Variants in NPSR1 observed in about 807,000 individuals in gnomAD.
The protein encoded by NPSR1 is neuropeptide S receptor 1.
NPSR1 carries 48 observed loss-of-function variants against 46.9 expected under a neutral mutation model. The observed-to-expected ratio is 1.02, with a 90% CI of 0.81 to 1.30. The LOEUF is 1.30. Ranked by LOEUF, NPSR1 falls within the 50% of genes most tolerant of loss-of-function variation. The probability of loss-of-function intolerance (pLI) is 0.00; values close to 1 mark genes in which losing one functional copy is unlikely to be tolerated. For missense variants in NPSR1, 450 were observed against 449.5 expected, an observed-to-expected ratio of 1.00 and a Z score of -0.01; for synonymous variants, 176 against 168.1, an observed-to-expected ratio of 1.05 and a Z score of -0.36.
chr7:34,876,189 G>C (rs1328111407), intron 8 of NPSR1, among the ~76,000 whole-genome samples: 1 of 152,168 alleles, frequency 6.6e-6, no homozygotes, highest in Non-Finnish European at 1.5e-5. Flanking sequence ...GCTTGGAAGG[G>C]AGGAGAGAAA....
intron 6 of NPSR1, among the ~76,000 whole-genome samples, chr7:34,838,778 C>T (rs910930392): frequency 1.3e-5 from 2 of 152,132 alleles, no homozygotes; most frequent in African/African-American, 4.8e-5. Flanking sequence ...GAGGGCAAGA[C>T]GTGGAGGAGA....
intron 2 of NPSR1, among the ~76,000 whole-genome samples, chr7:34,693,891 A>G (rs1793386547): frequency 6.6e-6 from 1 of 152,182 alleles, no homozygotes; most frequent in African/African-American, 2.4e-5. Flanking sequence ...CACATTAACA[A>G]AACTAAAAAC....
At chr7:34,780,886 C>T (rs1308008472) in intron 3 of NPSR1, among the ~76,000 whole-genome samples, 8 of 152,082 alleles carry the variant, frequency 5.3e-5, no homozygotes, top group African/African-American at 1.9e-4. Context: ...TCTGGGCATT[C>T]GTCAAAACAG....
At position 34,844,917 on chromosome 7, in the gene NPSR1, A is replaced by T; in HGVS notation, c.779A>T (p.Tyr260Phe). ...ACAGATGGGAAACTGTGCAGCAGCT[A>T]TAACCGAGGACTCATCTCAAAGGCA... ...NCSDGKLCSS[Y>F]NRGLISKAKI... The change falls in exon 7 of 9, where the codon TAT becomes TTT. Residue 260 changes from tyrosine (Y) to phenylalanine (F), a missense_variant. Tyr to Phe is a conservative substitution (Grantham distance 22). Coordinates refer to ENST00000360581, the MANE Select transcript of NPSR1 (RefSeq NM_207172.2). The T allele has an allele frequency of 6.2e-7, 1 of 1,611,122 alleles. No homozygotes were observed. The highest frequency in any genetic ancestry group is 8.5e-7 in the Non-Finnish European group (1 of 1,177,258).
intron 2 of NPSR1, among the ~76,000 whole-genome samples, chr7:34,687,558 C>T (rs1341816982): frequency 6.6e-6 from 1 of 152,154 alleles, no homozygotes; most frequent in Admixed American, 6.5e-5. Flanking sequence ...GCTTATAAAA[C>T]ATCAGATCTT....
chr7:34,863,201 C>T (rs547385010), intron 8 of NPSR1, among the ~76,000 whole-genome samples: 3 of 151,872 alleles, frequency 2.0e-5, no homozygotes, highest in African/African-American at 4.9e-5. Context: ...AAAGTGGACC[C>T]GTTCCTTATG....
chr7:34,783,770 G>A (rs1458374092), intron 3 of NPSR1, among the ~76,000 whole-genome samples: 1 of 151,904 alleles, frequency 6.6e-6, no homozygotes, highest in Admixed American at 6.6e-5. Flanking sequence ...CAAGAGAGAA[G>A]AGGCAAATCA....
At chr7:34,716,748 A>T (rs1268514824) in intron 2 of NPSR1, among the ~76,000 whole-genome samples, 1 of 152,078 alleles carries the variant, frequency 6.6e-6, no homozygotes, top group Non-Finnish European at 1.5e-5. Flanking sequence ...TGTCCAACAC[A>T]GGCCACTTCT....
At chr7:34,688,779 TC>T (rs1793068366) in intron 2 of NPSR1, among the ~76,000 whole-genome samples, 1 of 152,180 alleles carries the variant, frequency 6.6e-6, no homozygotes, top group Non-Finnish European at 1.5e-5. Flanking sequence ...GTGGTCTCTC[TC>T]CACCTTGCTG....
At chr7:34,684,733 A>G (rs1036881211) in intron 2 of NPSR1, 49 bp downstream of exon 2, 71 of 1,441,266 alleles carry the variant, frequency 4.9e-5, no homozygotes, top group Non-Finnish European at 6.2e-5. Flanking sequence ...TGAAGTCCCT[A>G]TGGCTTCCTG....
At chr7:34,768,635 G>T (rs1786537184) in intron 2 of NPSR1, among the ~76,000 whole-genome samples, 1 of 152,132 alleles carries the variant, frequency 6.6e-6, no homozygotes, top group Non-Finnish European at 1.5e-5. Context: ...CAATATGTAA[G>T]AATTTGTATA....
intron 8 of NPSR1, among the ~76,000 whole-genome samples, chr7:34,873,793 C>T (rs1472084964): frequency 6.6e-6 from 1 of 151,552 alleles, no homozygotes; most frequent in African/African-American, 2.4e-5. Context: ...GCCAAGACAG[C>T]TGGACTAGGT....
chr7:34,752,388 G>C (rs1228040018), intron 2 of NPSR1, among the ~76,000 whole-genome samples: 2 of 152,186 alleles, frequency 1.3e-5, no homozygotes. Context: ...GGCCTAAGGA[G>C]TTTCCTTAGA....
intron 2 of NPSR1, among the ~76,000 whole-genome samples, chr7:34,754,068 G>A (rs1785686769): frequency 1.3e-5 from 2 of 152,078 alleles, no homozygotes; most frequent in Admixed American, 6.6e-5. Flanking sequence ...ATGAACATTT[G>A]TTGAAACCTT....
chr7:34,796,817 C>T (rs531032240), intron 3 of NPSR1, among the ~76,000 whole-genome samples: 1 of 152,294 alleles, frequency 6.6e-6, no homozygotes, highest in South Asian at 2.1e-4. Context: ...AGCAATTGTG[C>T]TCCTGGGTAT....
intron 4 of NPSR1, among the ~76,000 whole-genome samples, chr7:34,821,329 C>T (rs1035356637): frequency 1.3e-5 from 2 of 151,726 alleles, no homozygotes; most frequent in Non-Finnish European, 2.9e-5. Context: ...GGGGTTTCAC[C>T]GTGTTGGCCA....
At chr7:34,744,519 G>A (rs978247317) in intron 2 of NPSR1, among the ~76,000 whole-genome samples, 1 of 152,152 alleles carries the variant, frequency 6.6e-6, no homozygotes, top group Admixed American at 6.5e-5. Flanking sequence ...GGATTCAATA[G>A]ATGTCCATTG....
At chr7:34,659,002 A>G (rs1347695292) in intron 1 of NPSR1, among the ~76,000 whole-genome samples, 1 of 152,230 alleles carries the variant, frequency 6.6e-6, no homozygotes, top group Non-Finnish European at 1.5e-5. Flanking sequence ...ACAACATTGA[A>G]TAAGGCAGGA....
chr7:34,743,450 T>G (rs919394162), intron 2 of NPSR1, among the ~76,000 whole-genome samples: 9 of 151,994 alleles, frequency 5.9e-5, no homozygotes, highest in African/African-American at 2.2e-4. Flanking sequence ...GTCTTCTTTT[T>G]TTTTTTTGTA....
Sources: allele counts gnomAD v4.1 joint callset (sites outside exome capture counted in the v4.1 genomes callset), GRCh38; gene constraint gnomAD v4.1.1; transcripts MANE v1.5; gene names NCBI Gene and HGNC (gene_info 2026-07-23, HGNC 2026-07-21).